PXDN: variants seen among roughly 807,000 people sequenced by gnomAD.
The protein encoded by PXDN is peroxidasin.
A neutral mutation model predicts 140.3 loss-of-function variants in PXDN; 77 were observed. The observed-to-expected ratio is 0.55, with a 90% CI of 0.46 to 0.66. PXDN has a LOEUF of 0.66. Ranked by LOEUF, PXDN falls within the 30% of genes least tolerant of loss-of-function variation. PXDN has a pLI of 0.00. For synonymous variants in PXDN, 911 were observed against 857.4 expected, an observed-to-expected ratio of 1.06 and a Z score of -1.09; for missense variants, 1,838 against 2,039.5, an observed-to-expected ratio of 0.90 and a Z score of 1.90.
chr2:1,655,559 C>A (rs1176887283), intron 14 of PXDN, among the ~76,000 whole-genome samples: 7 of 151,486 alleles, frequency 4.6e-5, no homozygotes, highest in African/African-American at 1.7e-4. Context: ...CTCCTGACAG[C>A]AACCTGCCCC....
chr2:1,713,961 T>C (rs1416454089), intron 1 of PXDN, among the ~76,000 whole-genome samples: 6 of 152,254 alleles, frequency 3.9e-5, no homozygotes, highest in Non-Finnish European at 8.8e-5. Context: ...CAGGCTCTCC[T>C]GTGCGGGCCA....
chr2:1,731,266 C>T lies in PXDN; in HGVS notation c.200+12990G>A, dbSNP rs191501465. Among the ~76,000 whole-genome samples the T allele has an allele frequency of 3.3e-5, 5 of 151,924 alleles. No individual in the cohort carries two copies. In the East Asian group the frequency reaches 9.7e-4, roughly 29 times the overall value. ...GACAGCTATGGCAAAAACTGAGAAG[C>T]TCACGGTCCACTTCCACTTCCTGGA... On this transcript the variant is annotated intron_variant, in intron 1 of 22. Transcript: ENST00000252804.
chr2:1,677,488 C>G (rs1683749709), intron 7 of PXDN, among the ~76,000 whole-genome samples: 1 of 152,240 alleles, frequency 6.6e-6, no homozygotes, highest in Admixed American at 6.5e-5. Context: ...GACACCACAG[C>G]TGGAGCAACT....
chr2:1,679,600 C>CGT (rs147685088), intron 7 of PXDN, among the ~76,000 whole-genome samples: 62 of 65,226 alleles, frequency 9.5e-4, no homozygotes, highest in South Asian at 1.4e-3. Context: ...CGTGTATGTG[C>CGT]GTGTGTGTGT....
intron 14 of PXDN, among the ~76,000 whole-genome samples, chr2:1,657,374 A>C (rs973371597): frequency 2.2e-5 from 3 of 137,994 alleles, no homozygotes; most frequent in African/African-American, 5.6e-5. Context: ...AAACCTGCCA[A>C]CTCCTGACTG....
In PXDN at chr2:1,673,599, G is replaced by A. The variant is rs561091487; in HGVS notation, c.1018+44C>T. ...AAGGAGAAGGCAGATAGTGAGGGAC[G>A]ACAATTCTGGATGGAACCCCGGTGT... On this transcript the variant is annotated intron_variant, in intron 9 of 22. Coordinates refer to ENST00000252804, the MANE Select transcript of PXDN (RefSeq NM_012293.3). 61 of 1,577,658 alleles carry A rather than the reference G, an allele frequency of 3.9e-5. 1 individual carries two copies. The highest frequency in any genetic ancestry group is 2.4e-4 in the South Asian group (21 of 86,744).
At chr2:1,680,701 G>C (rs1243160995) in intron 6 of PXDN, among the ~76,000 whole-genome samples, 1 of 152,224 alleles carries the variant, frequency 6.6e-6, no homozygotes, top group African/African-American at 2.4e-5. Context: ...GGTCAGGGAA[G>C]TTTGTGAAGG....
At chr2:1,733,443 T>C (rs527954860) in intron 1 of PXDN, among the ~76,000 whole-genome samples, 45 of 152,248 alleles carry the variant, frequency 3.0e-4, no homozygotes, top group African/African-American at 9.9e-4. Context: ...GAGAGGACAT[T>C]TTTAAAGCGG....
At chr2:1,701,236 C>T (rs139807531) in intron 1 of PXDN, among the ~76,000 whole-genome samples, 245 of 152,292 alleles carry the variant, frequency 1.6e-3, no homozygotes, top group African/African-American at 5.4e-3. Flanking sequence ...GCTTGTGTTC[C>T]GAGAGTCACA....
At chr2:1,712,018 T>C (rs535578690) in intron 1 of PXDN, among the ~76,000 whole-genome samples, 1 of 152,204 alleles carries the variant, frequency 6.6e-6, no homozygotes, top group East Asian at 1.9e-4. Flanking sequence ...CAGTAAATTA[T>C]TTTAAAATTC....
intron 12 of PXDN, among the ~76,000 whole-genome samples, chr2:1,662,638 G>A (rs934670827): frequency 6.6e-6 from 1 of 152,226 alleles, no homozygotes; most frequent in African/African-American, 2.4e-5. Context: ...CAGGAGCGTG[G>A]CTGAGTGCTG....
At chr2:1,707,474 C>T (rs1201123715) in intron 1 of PXDN, among the ~76,000 whole-genome samples, 1 of 152,366 alleles carries the variant, frequency 6.6e-6, no homozygotes, top group East Asian at 1.9e-4. Flanking sequence ...GCCTTCTGAA[C>T]ATCAAACTGT....
intron 1 of PXDN, among the ~76,000 whole-genome samples, chr2:1,710,055 C>G (rs1165820716): frequency 2.6e-5 from 4 of 152,204 alleles, no homozygotes; most frequent in Admixed American, 2.6e-4. Flanking sequence ...GGAGCACACG[C>G]AGCTGCGGAG....
chr2:1,706,113 C>T lies in PXDN; in HGVS notation c.201-12979G>A, dbSNP rs371291711. Reference sequence around the variant, plus strand: ...CAGATTCAAGTTCTACCCTGCCCTCCGATTCCTGGGCTCTCAAACCCAGAG... The same window carrying T: ...CAGATTCAAGTTCTACCCTGCCCTCTGATTCCTGGGCTCTCAAACCCAGAG... On this transcript the variant is annotated intron_variant, in intron 1 of 22. Coordinates refer to ENST00000252804, the MANE Select transcript of PXDN (RefSeq NM_012293.3). Among the ~76,000 whole-genome samples the T allele has an allele frequency of 8.5e-5, 13 of 152,164 alleles. No individual in the cohort carries two copies. The East Asian group carries it at 1.3e-3, about 16-fold the overall frequency.
intron 2 of PXDN, chr2:1,692,508 TC>T (rs1327854626): frequency 1.1e-5 from 5 of 471,466 alleles, no homozygotes; most frequent in Non-Finnish European, 2.2e-5. Flanking sequence ...AGTCCCACAG[TC>T]CCCATGACCC....
At chr2:1,643,689 G>A in intron 18 of PXDN, 113 bp from the exon 19 acceptor site, 1 of 1,067,500 alleles carries the variant, frequency 9.4e-7, no homozygotes, top group South Asian at 1.5e-5. Context: ...AAACCACTAG[G>A]TTTGATTAGG....
At chr2:1,738,549 A>C (rs1393628894) in intron 1 of PXDN, among the ~76,000 whole-genome samples, 1 of 112,186 alleles carries the variant, frequency 8.9e-6, no homozygotes, top group Non-Finnish European at 1.8e-5. Flanking sequence ...GTTGATCTTC[A>C]AACTTTTTTT....
intron 14 of PXDN, among the ~76,000 whole-genome samples, chr2:1,658,084 C>CG (rs1683206549): frequency 9.2e-6 from 1 of 109,002 alleles, no homozygotes; most frequent in Admixed American, 9.6e-5. Flanking sequence ...CTCTCTCTCT[C>CG]TCTCTCTCTG....
intron 1 of PXDN, among the ~76,000 whole-genome samples, chr2:1,725,254 T>A (rs1056842204): frequency 6.6e-6 from 1 of 152,206 alleles, no homozygotes; most frequent in Non-Finnish European, 1.5e-5. Context: ...TAGTTTTTAA[T>A]GGAATCTTTA....
Sources: allele counts gnomAD v4.1 joint callset (sites outside exome capture counted in the v4.1 genomes callset), GRCh38; gene constraint gnomAD v4.1.1; transcripts MANE v1.5; gene names NCBI Gene and HGNC (gene_info 2026-07-23, HGNC 2026-07-21).